COL15A1: variants seen among roughly 807,000 people sequenced by gnomAD.
The protein encoded by COL15A1 is collagen type XV alpha 1 chain, also known as collagen alpha-1(XV) chain.
COL15A1 carries 111 observed loss-of-function variants against 165.9 expected under a neutral mutation model. The ratio of observed to expected loss-of-function variants is 0.67; its 90% CI spans 0.57 to 0.78. The LOEUF is 0.78. Ranked by LOEUF, COL15A1 falls within the 30% of genes least tolerant of loss-of-function variation. The pLI is 0.00. For synonymous variants in COL15A1, 659 were observed against 674.8 expected, an observed-to-expected ratio of 0.98 and a Z score of 0.36; for missense variants, 1,745 against 1,789.7, an observed-to-expected ratio of 0.98 and a Z score of 0.45.
At chr9:99,045,197 A>G (rs1018037697) in intron 26 of COL15A1, among the ~76,000 whole-genome samples, 1 of 152,190 alleles carries the variant, frequency 6.6e-6, no homozygotes, top group African/African-American at 2.4e-5. Flanking sequence ...TGGCCTCAAA[A>G]TGTAGTTTAG....
At chr9:99,021,101 GC>G (rs1839019599) in intron 12 of COL15A1, among the ~76,000 whole-genome samples, 1 of 152,226 alleles carries the variant, frequency 6.6e-6, no homozygotes, top group South Asian at 2.1e-4. Flanking sequence ...AAGAGATCCT[GC>G]CCAGGGAGCC....
intron 10 of COL15A1, 128 bp downstream of exon 10, chr9:99,015,694 G>A: frequency 1.1e-6 from 1 of 890,396 alleles, no homozygotes; most frequent in Non-Finnish European, 1.7e-6. Flanking sequence ...TGGGTGGGCA[G>A]CTGCTGGAGG....
intron 2 of COL15A1, among the ~76,000 whole-genome samples, chr9:98,955,363 C>A (rs1564007729): frequency 6.6e-6 from 1 of 152,256 alleles, no homozygotes. Context: ...CCTGCTCCCA[C>A]ATCACTGTGG....
At chr9:99,064,815 G>A (rs1346747955) in intron 39 of COL15A1, among the ~76,000 whole-genome samples, 7 of 152,172 alleles carry the variant, frequency 4.6e-5, no homozygotes, top group Non-Finnish European at 1.0e-4. Context: ...AGTGAAGGAA[G>A]AGAAATGTGA....
In COL15A1 at chr9:99,035,426, G is replaced by T. The variant is rs200236497; in HGVS notation, c.2289+8G>T. 3.7e-6 allele frequency: 6 copies of T among 1,614,036 alleles called. No homozygotes were observed. Among genetic ancestry groups the T allele is most frequent in the Non-Finnish European group, 4.2e-6 (5 of 1,180,008 alleles). The stretch of plus-strand genomic sequence containing the variant: ...AGACCAACGGCTGCAATTGTAGGTC[G>T]CCTCTGAAACCTTCATTATGAGGGT... On this transcript the variant is annotated splice_region_variant and intron_variant, in intron 19 of 41. Transcript: ENST00000375001.
intron 13 of COL15A1, among the ~76,000 whole-genome samples, 156 bp downstream of exon 13, chr9:99,022,306 G>A (rs558265951): frequency 1.8e-4 from 28 of 152,324 alleles, no homozygotes; most frequent in African/African-American, 6.3e-4. Context: ...GCAGTGTGCA[G>A]CAGCAGAACT....
rs1468813077 is a variant in COL15A1, at chr9:99,036,396, TGTGA to T, written c.2409+3_2409+6del. On this transcript the variant is annotated splice_donor_variant and splice_donor_region_variant and intron_variant, in intron 21 of 41. Transcript: ENST00000375001. LOFTEE classifies it high-confidence loss of function. ...CTGGGCACATCAAGGTCTTGTCTAA[TGTGA>T]GTATCATTCAGGTCAGAGCTTGTCT... 2 of 1,614,146 alleles carry T rather than the reference TGTGA, an allele frequency of 1.2e-6. No individual in the cohort carries two copies. Among genetic ancestry groups the T allele is most frequent in the African/African-American group, 1.3e-5 (1 of 75,058 alleles).
chr9:98,950,157 A>G (rs1028157432), intron 2 of COL15A1, among the ~76,000 whole-genome samples: 1 of 152,192 alleles, frequency 6.6e-6, no homozygotes, highest in African/African-American at 2.4e-5. Flanking sequence ...ACATTTGCAT[A>G]CAAGTATTCG....
intron 11 of COL15A1, 143 bp downstream of exon 11, chr9:99,016,262 GC>G: frequency 2.0e-6 from 2 of 1,006,044 alleles, no homozygotes; most frequent in Non-Finnish European, 2.8e-6. Context: ...CATTTGAGGA[GC>G]TTTAACCTGA....
intron 2 of COL15A1, among the ~76,000 whole-genome samples, chr9:98,947,890 A>G (rs1233716297): frequency 1.3e-5 from 2 of 152,188 alleles, no homozygotes; most frequent in Non-Finnish European, 2.9e-5. Flanking sequence ...AAACAGCACA[A>G]GTTCAGGTAT....
At chr9:98,973,004 A>C (rs1838085790) in intron 2 of COL15A1, among the ~76,000 whole-genome samples, 1 of 152,184 alleles carries the variant, frequency 6.6e-6, no homozygotes, top group South Asian at 2.1e-4. Context: ...AAAATGAGAG[A>C]ATGATCCCTG....
At chr9:98,954,405 A>T (rs1275262731) in intron 2 of COL15A1, among the ~76,000 whole-genome samples, 2 of 152,218 alleles carry the variant, frequency 1.3e-5, no homozygotes, top group African/African-American at 4.8e-5. Context: ...TCATAATATG[A>T]ACAGAACATT....
At chr9:98,969,418 G>A (rs948796657) in intron 2 of COL15A1, among the ~76,000 whole-genome samples, 1 of 152,168 alleles carries the variant, frequency 6.6e-6, no homozygotes, top group African/African-American at 2.4e-5. Context: ...ATCCAAAGTT[G>A]CCCATCTTTT....
intron 12 of COL15A1, 63 bp downstream of exon 12, chr9:99,020,505 T>C: frequency 1.6e-6 from 2 of 1,219,712 alleles, no homozygotes; most frequent in Admixed American, 1.7e-5. Flanking sequence ...GAACATGTTA[T>C]TTAGGTTTGA....
At chr9:99,036,268 C>A in intron 20 of COL15A1, 45 bp from the exon 21 acceptor site, 1 of 1,613,686 alleles carries the variant, frequency 6.2e-7, no homozygotes, top group Non-Finnish European at 8.5e-7. Context: ...GGAGCATTAT[C>A]GCTGTACAGT....
intron 2 of COL15A1, among the ~76,000 whole-genome samples, chr9:98,959,227 C>CAAA (rs60892848): frequency 0.38 from 27,578 of 72,916 alleles, 4,150 homozygotes; most frequent in Non-Finnish European, 0.45. Context: ...CCTGTCTCTA[C>CAAA]AAAAAAAAAA....
intron 2 of COL15A1, among the ~76,000 whole-genome samples, chr9:98,954,446 G>A (rs1208845658): frequency 6.6e-6 from 1 of 152,066 alleles, no homozygotes; most frequent in East Asian, 1.9e-4. Flanking sequence ...TTAGTTGATG[G>A]CTTTTTTCCC....
intron 16 of COL15A1, among the ~76,000 whole-genome samples, chr9:99,034,346 G>A (rs1839258909): frequency 6.6e-6 from 1 of 152,122 alleles, no homozygotes; most frequent in Non-Finnish European, 1.5e-5. Flanking sequence ...GTTGAAAAGT[G>A]GGTTTCACAA....
Position 99,049,840 on chromosome 9 carries a change from C to G in COL15A1, c.2863-14C>G, listed in dbSNP as rs79823899. ...TCCTGTTGACCTCACCTCTCTTGTT[C>G]TCATTACCCACAGGCCATTTTCCCA... is the stretch of plus-strand genomic sequence containing the variant. On this transcript the variant is annotated splice_polypyrimidine_tract_variant and intron_variant, in intron 29 of 41. Coordinates refer to ENST00000375001, the MANE Select transcript of COL15A1 (RefSeq NM_001855.5). 5.5e-3 allele frequency: 8,819 copies of G among 1,612,222 alleles called. 446 individuals carry two copies. In the African/African-American group the frequency reaches 0.11, roughly 20 times the overall value.
Sources: gnomAD v4.1 joint callset for allele counts (sites outside exome capture counted in the v4.1 genomes callset) on GRCh38, gnomAD v4.1.1 for gene constraint, MANE v1.5 for transcripts, NCBI Gene and HGNC (gene_info 2026-07-23, HGNC 2026-07-21) for gene names.